Variants in PPP3CA observed in about 807,000 individuals in gnomAD.
The protein encoded by PPP3CA is CAM-PRP catalytic subunit.
PPP3CA carries 14 observed loss-of-function variants against 66.5 expected under a neutral mutation model. That is an observed-to-expected ratio of 0.21 (90% CI 0.14 to 0.33). PPP3CA has a LOEUF of 0.33. Among genes scored for constraint, PPP3CA ranks in the 10% least tolerant of loss-of-function variants. PPP3CA has a pLI of 1.00. For missense variants in PPP3CA, 317 were observed against 639.5 expected, an observed-to-expected ratio of 0.50 and a Z score of 5.44; for synonymous variants, 232 against 226.2, an observed-to-expected ratio of 1.03 and a Z score of -0.23.
At chr4:101,338,185 T>C (rs1485568232) in intron 1 of PPP3CA, among the ~76,000 whole-genome samples, 1 of 152,120 alleles carries the variant, frequency 6.6e-6, no homozygotes, top group Non-Finnish European at 1.5e-5. Context: ...GTGACAATAA[T>C]CCATTAAAAG....
intron 13 of PPP3CA, among the ~76,000 whole-genome samples, chr4:101,027,577 G>GA (rs1726716973): frequency 6.6e-6 from 1 of 152,070 alleles, no homozygotes; most frequent in African/African-American, 2.4e-5. Context: ...CACCCACCCT[G>GA]AAAACTAACT....
At chr4:101,210,982 TATATAC>T (rs1315444459) in intron 1 of PPP3CA, among the ~76,000 whole-genome samples, 1 of 152,190 alleles carries the variant, frequency 6.6e-6, no homozygotes, top group African/African-American at 2.4e-5. Flanking sequence ...GTTAAGTAAA[TATATAC>T]ATATAAATTG....
At chr4:101,193,861 A>G (rs1404406592) in intron 2 of PPP3CA, among the ~76,000 whole-genome samples, 1 of 152,208 alleles carries the variant, frequency 6.6e-6, no homozygotes, top group East Asian at 1.9e-4. Flanking sequence ...AGTTTTTCTT[A>G]AATGGGGGCA....
Position 101,276,975 on chromosome 4 carries a change from TGGCTAG to T in PPP3CA, c.58+69758_58+69763del, listed in dbSNP as rs1283301571. Among the ~76,000 whole-genome samples the T allele has an allele frequency of 7.5e-4, 114 of 152,196 alleles. 1 individual carries two copies. The highest frequency in any genetic ancestry group is 2.6e-3 in the African/African-American group (110 of 41,528). ...GTATAATGACATCTATCCAGCATTA[TGGCTAG>T]GACCTGATATTTTCAAAATATTAGG... On this transcript the variant is annotated intron_variant, in intron 1 of 13. Coordinates refer to ENST00000394854, the MANE Select transcript of PPP3CA (RefSeq NM_000944.5).
chr4:101,296,593 G>T (rs913885130), intron 1 of PPP3CA, among the ~76,000 whole-genome samples: 1 of 151,958 alleles, frequency 6.6e-6, no homozygotes, highest in African/African-American at 2.4e-5. Context: ...CTTTTTAAAG[G>T]TGGAATCCCA....
chr4:101,334,254 C>G (rs987272801), intron 1 of PPP3CA, among the ~76,000 whole-genome samples: 3 of 152,084 alleles, frequency 2.0e-5, no homozygotes, highest in South Asian at 2.1e-4. Flanking sequence ...CTTGCCTCAG[C>G]CTCCCAAGTA....
chr4:101,274,355 T>C (rs1177584983), intron 1 of PPP3CA, among the ~76,000 whole-genome samples: 1 of 152,156 alleles, frequency 6.6e-6, no homozygotes, highest in Non-Finnish European at 1.5e-5. Context: ...TGAGAAAATA[T>C]GTTCATGTCT....
chr4:101,162,131 T>C lies in PPP3CA; in HGVS notation c.259+33785A>G, dbSNP rs534837117. Among the ~76,000 whole-genome samples the C allele has an allele frequency of 2.1e-4, 32 of 151,994 alleles. No individual in the cohort carries two copies. The South Asian group carries it at 2.9e-3, about 14-fold the overall frequency. On this transcript the variant is annotated intron_variant, in intron 2 of 13. Transcript: ENST00000394854. ...GGCATGTGCCTGTAATCCCAGATAC[T>C]GGGGAGGCTGAGGGAGGAGAACCAC... is the stretch of plus-strand genomic sequence containing the variant.
intron 11 of PPP3CA, among the ~76,000 whole-genome samples, chr4:101,037,805 C>T (rs1467335270): frequency 6.6e-6 from 1 of 152,124 alleles, no homozygotes; most frequent in African/African-American, 2.4e-5. Context: ...AGGATATGGA[C>T]TTCAGTATAT....
chr4:101,299,105 C>A (rs1340570688), intron 1 of PPP3CA, among the ~76,000 whole-genome samples: 1 of 110,648 alleles, frequency 9.0e-6, no homozygotes, highest in Non-Finnish European at 1.7e-5. Context: ...TGCCATATAT[C>A]GTTTTTTTTT....
chr4:101,033,275 GACACACACACACACACAAACACACACAC>G (rs1314973714), intron 11 of PPP3CA, among the ~76,000 whole-genome samples: 20 of 126,918 alleles, frequency 1.6e-4, no homozygotes, highest in Middle Eastern at 4.2e-3. Flanking sequence ...CATACATAGA[GACACACACACACACACAAACACACACAC>G]ACACACACAC....
At chr4:101,330,350 C>T (rs748890405) in intron 1 of PPP3CA, 36 of 492,668 alleles carry the variant, frequency 7.3e-5, no homozygotes, top group South Asian at 1.7e-4. Flanking sequence ...AAGATAGTTT[C>T]TTTAGAATCT....
chr4:101,133,088 T>C (rs28791227), intron 2 of PPP3CA, among the ~76,000 whole-genome samples: 81,924 of 151,850 alleles, frequency 0.54, 24,207 homozygotes, highest in African/African-American at 0.77. Context: ...TAGGTATTGA[T>C]AGAACGTATC....
intron 10 of PPP3CA, among the ~76,000 whole-genome samples, chr4:101,059,760 T>C (rs756706365): frequency 6.6e-6 from 1 of 152,156 alleles, no homozygotes; most frequent in Non-Finnish European, 1.5e-5. Context: ...TTATAATTTG[T>C]GTCATTTTAT....
chr4:101,167,587 A>G (rs903846136), intron 2 of PPP3CA, among the ~76,000 whole-genome samples: 1 of 152,212 alleles, frequency 6.6e-6, no homozygotes, highest in African/African-American at 2.4e-5. Context: ...ACTGAGCTAC[A>G]AAGTGTATCA....
chr4:101,101,327 A>G (rs1050046261), intron 3 of PPP3CA, among the ~76,000 whole-genome samples: 2 of 152,174 alleles, frequency 1.3e-5, no homozygotes, highest in Non-Finnish European at 2.9e-5. Context: ...ACATGTTTCA[A>G]TAAAAAGAGT....
chr4:101,201,400 A>G (rs1445932323), intron 1 of PPP3CA, among the ~76,000 whole-genome samples: 4 of 152,224 alleles, frequency 2.6e-5, no homozygotes, highest in Non-Finnish European at 5.9e-5. Context: ...ATGTCTAGAG[A>G]TTCTGATTTA....
intron 6 of PPP3CA, among the ~76,000 whole-genome samples, chr4:101,083,902 A>G (rs1729548371): frequency 6.6e-6 from 1 of 152,222 alleles, no homozygotes; most frequent in Non-Finnish European, 1.5e-5. Context: ...TGTCCTTTAA[A>G]TATGATCAGC....
At chr4:101,199,090 A>G (rs925065979) in intron 1 of PPP3CA, among the ~76,000 whole-genome samples, 4 of 152,102 alleles carry the variant, frequency 2.6e-5, no homozygotes, top group African/African-American at 9.7e-5. Flanking sequence ...AAAAAATAAG[A>G]CTGGGCTAAT....
Sources: allele counts gnomAD v4.1 joint callset (sites outside exome capture counted in the v4.1 genomes callset), GRCh38; gene constraint gnomAD v4.1.1; transcripts MANE v1.5; gene names NCBI Gene and HGNC (gene_info 2026-07-23, HGNC 2026-07-21).